ANKRD13C: variants seen among roughly 807,000 people sequenced by gnomAD.
ANKRD13C encodes the protein ankyrin repeat domain 13C.
A neutral mutation model predicts 65.5 loss-of-function variants in ANKRD13C; 16 were observed. That is an observed-to-expected ratio of 0.24 (90% CI 0.17 to 0.37). The LOEUF (loss-of-function observed/expected upper bound fraction) is 0.37. Ranked by LOEUF, ANKRD13C falls within the 10% of genes least tolerant of loss-of-function variation. The pLI, the probability that ANKRD13C is intolerant of heterozygous loss-of-function variation, is 1.00. For missense variants in ANKRD13C, 503 were observed against 655.9 expected (o/e 0.77, Z 2.55); for synonymous variants, 235 against 238.7 (o/e 0.98, Z 0.14).
chr1:70,282,932 C>T (rs1572048984), intron 9 of ANKRD13C, among the ~76,000 whole-genome samples: 1 of 151,514 alleles, frequency 6.6e-6, no homozygotes. Flanking sequence ...TGGCATGTCA[C>T]ATCATTATAT....
In ANKRD13C at chr1:70,276,844, G is replaced by A. The variant is rs763335547; in HGVS notation, c.1216C>T (p.Pro406Ser). Residue 406 changes from proline (P) to serine (S), a missense_variant and splice_region_variant, in exon 10 of 13, where the codon CCG becomes TCG. Coordinates refer to ENST00000370944, the MANE Select transcript of ANKRD13C (RefSeq NM_030816.5). ...GGNIMEQNFE[P>S]IRRQSLTPPP... is the part of the protein sequence containing the mutation. Reference sequence around the variant, plus strand: ...GGTGTAAGAGACTGTCTTCGAATCGGCTGCCAAAAAAAAAAAAGAAAGAAA... The same window carrying A: ...GGTGTAAGAGACTGTCTTCGAATCGACTGCCAAAAAAAAAAAAGAAAGAAA... 1.3e-6 allele frequency: 2 copies of A among 1,582,586 alleles called. No homozygotes were observed. Among genetic ancestry groups the A allele is most frequent in the East Asian group, 4.5e-5 (2 of 44,566 alleles).
rs750563012 is a variant in ANKRD13C, at chr1:70,354,439, G to A, written c.-31C>T. Reference sequence around the variant, plus strand: ...CCGCCAGGGGCAAGGGGGGGAATCGGGAGGCTCACCGCTGGCGACGGAGCT... The same window carrying A: ...CCGCCAGGGGCAAGGGGGGGAATCGAGAGGCTCACCGCTGGCGACGGAGCT... On this transcript the variant is annotated 5_prime_UTR_variant, in exon 1 of 13. Coordinates refer to ENST00000370944, the MANE Select transcript of ANKRD13C (RefSeq NM_030816.5). 6.3e-7 allele frequency: 1 copy of A among 1,592,980 alleles called. No individual in the cohort carries two copies. The highest frequency in any genetic ancestry group is 1.1e-5 in the South Asian group (1 of 88,478).
At chr1:70,309,985 C>T (rs1033192574) in intron 5 of ANKRD13C, among the ~76,000 whole-genome samples, 24 of 151,930 alleles carry the variant, frequency 1.6e-4, no homozygotes, top group African/African-American at 5.5e-4. Context: ...TAGTATTATC[C>T]TCATTTTAAA....
intron 1 of ANKRD13C, among the ~76,000 whole-genome samples, chr1:70,353,356 C>G (rs1682833523): frequency 1.3e-5 from 2 of 152,136 alleles, no homozygotes; most frequent in East Asian, 1.9e-4. Context: ...CTACTTAAAA[C>G]AAGCAAAAAA....
chr1:70,294,803 T>G (rs1680010808), intron 8 of ANKRD13C, among the ~76,000 whole-genome samples: 1 of 152,100 alleles, frequency 6.6e-6, no homozygotes, highest in Non-Finnish European at 1.5e-5. Context: ...TTTTTAAATT[T>G]TTTGTAGAGT....
Position 70,348,417 on chromosome 1 carries a change from G to C in ANKRD13C, c.430+5562C>G, listed in dbSNP as rs112437733. Among the ~76,000 whole-genome samples, 812 of 151,952 alleles carry C rather than the reference G, an allele frequency of 5.3e-3. 10 individuals carry two copies. Among genetic ancestry groups the C allele is most frequent in the African/African-American group, 0.019 (782 of 41,442 alleles). Reference sequence around the variant, plus strand: ...AGTAGCTAGGATTACAGGTGCGCGCGACCATGCCCGGCTAATGTTTTGTAT... The same window carrying C: ...AGTAGCTAGGATTACAGGTGCGCGCCACCATGCCCGGCTAATGTTTTGTAT... On this transcript the variant is annotated intron_variant, in intron 1 of 12. Coordinates refer to ENST00000370944, the MANE Select transcript of ANKRD13C (RefSeq NM_030816.5).
chr1:70,337,466 G>C (rs1382168230), intron 1 of ANKRD13C, among the ~76,000 whole-genome samples: 2 of 152,074 alleles, frequency 1.3e-5, no homozygotes, highest in Non-Finnish European at 2.9e-5. Flanking sequence ...TGTGATCCCA[G>C]CTACTTGGGA....
chr1:70,264,432 C>A (rs148822175), intron 12 of ANKRD13C, among the ~76,000 whole-genome samples: 2,572 of 141,546 alleles, frequency 0.018, 86 homozygotes, highest in African/African-American at 0.063. Flanking sequence ...GCCAAGATTG[C>A]GCCACTACAC....
intron 1 of ANKRD13C, among the ~76,000 whole-genome samples, chr1:70,347,017 G>A (rs1355996522): frequency 6.6e-6 from 1 of 150,990 alleles, no homozygotes; most frequent in East Asian, 2.0e-4. Context: ...GTGTGAACCG[G>A]GGAGGCGGAG....
intron 2 of ANKRD13C, 83 bp from the exon 3 acceptor site, chr1:70,325,040 C>A (rs932225461): frequency 9.9e-6 from 9 of 905,386 alleles, no homozygotes; most frequent in South Asian, 4.2e-5. Context: ...TTTAATAAAC[C>A]AAATTAACAT....
At chr1:70,344,450 C>T (rs1396598890) in intron 1 of ANKRD13C, among the ~76,000 whole-genome samples, 3 of 149,272 alleles carry the variant, frequency 2.0e-5, no homozygotes, top group Non-Finnish European at 4.4e-5. Context: ...GATGACAAAG[C>T]GAGACCCTAT....
At chr1:70,300,420 T>C (rs905034900) in intron 7 of ANKRD13C, among the ~76,000 whole-genome samples, 4 of 152,048 alleles carry the variant, frequency 2.6e-5, no homozygotes, top group Non-Finnish European at 5.9e-5. Context: ...AAACCAAGCC[T>C]CTACTAAAAA....
intron 9 of ANKRD13C, among the ~76,000 whole-genome samples, chr1:70,278,877 T>C (rs549689800): frequency 6.6e-6 from 1 of 152,150 alleles, no homozygotes; most frequent in South Asian, 2.1e-4. Context: ...TAACTCATAG[T>C]TAAAAATTAA....
intron 12 of ANKRD13C, among the ~76,000 whole-genome samples, chr1:70,265,847 A>AAAAAGAAAAG (rs1157801280): frequency 1.7e-4 from 24 of 144,940 alleles, no homozygotes; most frequent in Admixed American, 3.5e-4. Flanking sequence ...AAAAAAAAAA[A>AAAAAGAAAAG]AAAAGAAAAG....
chr1:70,354,350 C>G lies in ANKRD13C; in HGVS notation c.59G>C (p.Gly20Ala), dbSNP rs1553120504. The part of the protein sequence containing the change: ...RRDHKPSKEE[G>A]DLLEPGDEEA... ...CTCATCCCCGGGCTCCAGCAGGTCC[C>G]CTTCTTCTTTGCTGGGCTTGTGGTC... The change falls in exon 1 of 13, where the codon GGG (glycine) becomes GCG (alanine). Residue 20 changes from glycine to alanine, a missense_variant. Transcript: ENST00000370944. 5.6e-6 allele frequency: 9 copies of G among 1,614,140 alleles called. No homozygotes were observed. The highest frequency in any genetic ancestry group is 7.6e-6 in the Non-Finnish European group (9 of 1,180,020).
rs75110349 is a variant in ANKRD13C at position 70,351,334 on chromosome 1, T to C, written c.430+2645A>G. Among the ~76,000 whole-genome samples the C allele has an allele frequency of 7.8e-3, 1,189 of 152,362 alleles. 16 individuals are homozygous for C. Among genetic ancestry groups the C allele is most frequent in the African/African-American group, 0.027 (1,129 of 41,582 alleles). On this transcript the variant is annotated intron_variant, in intron 1 of 12. Coordinates refer to ENST00000370944, the MANE Select transcript of ANKRD13C (RefSeq NM_030816.5). ...GCTCTGCTATGTACCTGTATGAGTG[T>C]CTTATTCTGCTATGCATTTATGTTA...
chr1:70,285,342 A>T (rs1036158078), intron 9 of ANKRD13C, among the ~76,000 whole-genome samples: 1 of 151,448 alleles, frequency 6.6e-6, no homozygotes, highest in Admixed American at 6.6e-5. Flanking sequence ...ACAGGCACGC[A>T]CTACCATGCC....
chr1:70,270,973 G>GA lies in ANKRD13C; in HGVS notation c.1395-18dup, dbSNP rs1678853292. 2.6e-6 allele frequency: 4 copies of GA among 1,518,336 alleles called. No homozygotes were observed. The highest frequency in any genetic ancestry group is 1.4e-5 in the African/African-American group (1 of 72,346). 94.1% of individuals were successfully genotyped at this position (1,518,336 alleles called of 1,614,324 possible). On this transcript the variant is annotated splice_polypyrimidine_tract_variant and intron_variant, in intron 11 of 12. Transcript: ENST00000370944. Reference sequence around the variant, plus strand: ...TTCAATAATCTGAAAAATGGAAGAAGAAAAAAATGTTTTCATTGTTCAAAT... The same window carrying GA: ...TTCAATAATCTGAAAAATGGAAGAAGAAAAAAAATGTTTTCATTGTTCAAAT...
chr1:70,259,568 A>G lies in ANKRD13C; in HGVS notation c.*3149T>C, dbSNP rs1445482801. Among the ~76,000 whole-genome samples the G allele has an allele frequency of 6.6e-6, 1 of 152,200 alleles. No individual in the cohort carries two copies. Among genetic ancestry groups the G allele is most frequent in the East Asian group, 1.9e-4 (1 of 5,192 alleles). ...TATGAAATTTTTAGGTGGCAACCAG[A>G]GTTAGTTACTATTGCCCCAGATTTC... is the stretch of plus-strand genomic sequence containing the variant. On this transcript the variant is annotated 3_prime_UTR_variant, in exon 13 of 13. Coordinates refer to ENST00000370944, the MANE Select transcript of ANKRD13C (RefSeq NM_030816.5).
Sources: allele counts gnomAD v4.1 joint callset (sites outside exome capture counted in the v4.1 genomes callset), GRCh38; gene constraint gnomAD v4.1.1; transcripts MANE v1.5; gene names NCBI Gene and HGNC (gene_info 2026-07-23, HGNC 2026-07-21).